ZNF106: variants seen among roughly 807,000 people sequenced by gnomAD.
ZNF106 encodes the protein zinc finger protein 106, also known as SH3-domain binding protein 3.
ZNF106 carries 67 observed loss-of-function variants against 195.1 expected under a neutral mutation model. The ratio of observed to expected loss-of-function variants is 0.34; its 90% CI spans 0.28 to 0.42. The LOEUF (loss-of-function observed/expected upper bound fraction) is 0.42. Ranked by LOEUF, ZNF106 falls within the 10% of genes least tolerant of loss-of-function variation. The pLI, the probability that ZNF106 is intolerant of heterozygous loss-of-function variation, is 1.00. For synonymous variants in ZNF106, 784 were observed against 818.6 expected, an observed-to-expected ratio of 0.96 and a Z score of 0.72; for missense variants, 2,118 against 2,304.5, an observed-to-expected ratio of 0.92 and a Z score of 1.66.
chr15:42,472,323 T>C lies in ZNF106; in HGVS notation c.-32-2A>G. 6.5e-7 allele frequency: 1 copy of C among 1,528,168 alleles called. No individual in the cohort carries two copies. The highest frequency in any genetic ancestry group is 1.2e-5 in the South Asian group (1 of 82,532). 94.7% of individuals were successfully genotyped at this position (1,528,168 alleles called of 1,614,324 possible). On this transcript the variant is annotated splice_acceptor_variant, in intron 1 of 21. Transcript: ENST00000564754. LOFTEE classifies it low-confidence loss of function (5UTR_SPLICE). ...GATCTGAAGCACTCAACGTCACAGC[T>C]GCAATGAGGAAGTAACATTTAGTAA...
chr15:42,426,917 G>A (rs2054880780), intron 15 of ZNF106, among the ~76,000 whole-genome samples: 2 of 152,008 alleles, frequency 1.3e-5, no homozygotes, highest in Non-Finnish European at 2.9e-5. Flanking sequence ...AAATCACTTG[G>A]CACTTGATTA....
At chr15:42,468,817 G>C (rs201665151) in intron 2 of ZNF106, among the ~76,000 whole-genome samples, 3 of 152,064 alleles carry the variant, frequency 2.0e-5, no homozygotes, top group African/African-American at 7.2e-5. Flanking sequence ...CTGACTGGCC[G>C]CTAACTAAAA....
intron 1 of ZNF106, among the ~76,000 whole-genome samples, chr15:42,478,424 A>G (rs1304026914): frequency 6.6e-6 from 1 of 151,778 alleles, no homozygotes; most frequent in Non-Finnish European, 1.5e-5. Context: ...GGCCTCCCAA[A>G]GTGTTGGGAT....
intron 17 of ZNF106, among the ~76,000 whole-genome samples, chr15:42,423,640 G>A (rs902066755): frequency 4.6e-5 from 7 of 152,170 alleles, no homozygotes; most frequent in African/African-American, 1.4e-4. Flanking sequence ...AGCCTTCTGA[G>A]TAGCTGGCAT....
Position 42,425,005 on chromosome 15 carries a change from G to A in ZNF106, c.5019C>T (p.Ile1673=), listed in dbSNP as rs771553159. 3.1e-6 allele frequency: 5 copies of A among 1,613,974 alleles called. No homozygotes were observed. Among genetic ancestry groups the A allele is most frequent in the African/African-American group, 2.7e-5 (2 of 74,896 alleles). Residue 1673 remains isoleucine (I), a synonymous_variant, in exon 16 of 22, where the codon ATC becomes ATT. Coordinates refer to ENST00000564754, the MANE Select transcript of ZNF106 (RefSeq NM_001366845.3). The stretch of plus-strand genomic sequence containing the variant: ...CTGCCCGAGGGCCATGGCATTCAAA[G>A]ATCTCAAGTCGTTTGTTGTTCTGGA... ...FNIKNNKRLE[I]FECHGPRAVS...
intron 8 of ZNF106, 127 bp from the exon 9 acceptor site, chr15:42,444,389 C>A: frequency 1.5e-6 from 1 of 678,264 alleles, no homozygotes; most frequent in Non-Finnish European, 2.5e-6. Flanking sequence ...CCCAGCCAGC[C>A]GCAGGTTTTC....
In ZNF106 at chr15:42,413,957, G is replaced by C. The variant is rs1412805474; in HGVS notation, c.*3347C>G. The C allele has an allele frequency of 1.3e-5, 2 of 152,220 alleles. No homozygotes were observed. Among genetic ancestry groups the C allele is most frequent in the African/African-American group, 4.8e-5 (2 of 41,448 alleles). The allele number at this position is 152,220 out of a possible 1,614,324, so 9.4% of individuals were successfully genotyped here. A position where few individuals can be genotyped will look rare whatever the true frequency, so the allele number is the denominator to read the frequency against. On this transcript the variant is annotated 3_prime_UTR_variant, in exon 22 of 22. Transcript: ENST00000564754. ...CTTTCACAGAAAACTTGAAGTGACTGATACTTTATCACAACGAACTGCCAT... is the reference window on the plus strand; with the variant it reads ...CTTTCACAGAAAACTTGAAGTGACTCATACTTTATCACAACGAACTGCCAT...
rs72711750 is a variant in ZNF106, at chr15:42,485,719, T to G, written c.-33+5261A>C. On this transcript the variant is annotated intron_variant, in intron 1 of 21. Transcript: ENST00000564754. ...ATAAAGACGTTGGAAAATAAAAGAG[T>G]GGATAAATAAAAATTATTATAAAAT... is the stretch of plus-strand genomic sequence containing the variant. 6.8e-3 allele frequency among the ~76,000 whole-genome samples: 1,040 copies of G among 151,992 alleles called. 6 individuals carry two copies. The highest frequency in any genetic ancestry group is 0.011 in the Non-Finnish European group (729 of 67,966).
intron 8 of ZNF106, 108 bp from the exon 9 acceptor site, chr15:42,444,370 G>A (rs1291815948): frequency 1.0e-5 from 8 of 803,242 alleles, no homozygotes; most frequent in Non-Finnish European, 1.6e-5. Context: ...TGTCTTGACT[G>A]CTCTGTGACC....
chr15:42,450,234 T>C lies in ZNF106; in HGVS notation c.2038A>G (p.Thr680Ala). 2 of 1,614,188 alleles carry C rather than the reference T, an allele frequency of 1.2e-6. No individual in the cohort carries two copies. Among genetic ancestry groups the C allele is most frequent in the African/African-American group, 1.3e-5 (1 of 75,036 alleles). Residue 680 changes from threonine to alanine, a missense_variant, in exon 5 of 22, where the codon ACA (threonine) becomes GCA (alanine). Physicochemically the swap from Thr to Ala is moderately conservative, Grantham distance 58. Coordinates refer to ENST00000564754, the MANE Select transcript of ZNF106 (RefSeq NM_001366845.3). Reference protein sequence around the residue: ...VRQKESELQMTSAASPHPGLL... With the variant: ...VRQKESELQMASAASPHPGLL... ...CCAGGGTGTGGACTGGCTGCAGATG[T>C]CATTTGTAATTCAGATTCTTTCTGG... is the stretch of plus-strand genomic sequence containing the variant.
chr15:42,490,153 C>A (rs941126806), intron 1 of ZNF106, among the ~76,000 whole-genome samples: 1 of 151,950 alleles, frequency 6.6e-6, no homozygotes, highest in Non-Finnish European at 1.5e-5. Flanking sequence ...TTGCTTGAAT[C>A]CAGGAGGCGG....
rs559155880 is a variant in ZNF106 at position 42,459,345 on chromosome 15, G to A, written c.117-2187C>T. Among the ~76,000 whole-genome samples the A allele has an allele frequency of 5.9e-5, 9 of 151,980 alleles. No homozygotes were observed. In the South Asian group the frequency reaches 6.2e-4, roughly 11 times the overall value. ...ACAAAAATTAGACGGGCATGGTGGC[G>A]GGCACCTGTAATCCCAGCTACTCAA... On this transcript the variant is annotated intron_variant, in intron 3 of 21. Transcript: ENST00000564754.
At chr15:42,484,025 A>G (rs1292007433) in intron 1 of ZNF106, among the ~76,000 whole-genome samples, 1 of 152,204 alleles carries the variant, frequency 6.6e-6, no homozygotes. Context: ...ACTGTAGAGC[A>G]GCAATTCTCA....
chr15:42,447,144 A>G (rs896298734), intron 6 of ZNF106, among the ~76,000 whole-genome samples: 1 of 152,232 alleles, frequency 6.6e-6, no homozygotes, highest in Non-Finnish European at 1.5e-5. Context: ...TATAGCATCT[A>G]GCTCAAAGGA....
rs1172493603 is a variant in ZNF106 at position 42,421,946 on chromosome 15, T to A, written c.5416A>T (p.Ile1806Phe). ...CTTTTATGGATGGTCATACACATAA[T>A]CATGTCTTTGTGTCCTCCATAAACT... The part of the protein sequence containing the change: ...LQVYGGHKDM[I>F]MCMTIHKSMI... Residue 1806 changes from isoleucine (I) to phenylalanine (F), a missense_variant, in exon 19 of 22, where the codon ATT (isoleucine) becomes TTT (phenylalanine). Coordinates refer to ENST00000564754, the MANE Select transcript of ZNF106 (RefSeq NM_001366845.3). 6.3e-7 allele frequency: 1 copy of A among 1,585,708 alleles called. No homozygotes were observed. The highest frequency in any genetic ancestry group is 1.1e-5 in the South Asian group (1 of 88,710).
In ZNF106 at chr15:42,414,620, C is replaced by T. The variant is rs983545327; in HGVS notation, c.*2684G>A. 6.6e-6 allele frequency: 1 copy of T among 152,288 alleles called. No individual in the cohort carries two copies. The highest frequency in any genetic ancestry group is 2.4e-5 in the African/African-American group (1 of 41,462). 9.4% of individuals were successfully genotyped at this position (152,288 alleles called of 1,614,324 possible). A position where few individuals can be genotyped will look rare whatever the true frequency, so the allele number is the denominator to read the frequency against. ...CGATTCTACCACTCTGTAATACTCT[C>T]AGAAGTTCCCACAACTGCCCAACAC... On this transcript the variant is annotated 3_prime_UTR_variant, in exon 22 of 22. Coordinates refer to ENST00000564754, the MANE Select transcript of ZNF106 (RefSeq NM_001366845.3).
At chr15:42,466,593 G>C (rs1352136085) in intron 2 of ZNF106, among the ~76,000 whole-genome samples, 1 of 152,170 alleles carries the variant, frequency 6.6e-6, no homozygotes, top group Non-Finnish European at 1.5e-5. Flanking sequence ...TTTGTTGAAT[G>C]AATATAGATG....
rs1217914273 is a variant in ZNF106, at chr15:42,416,899, GCCTGAC to G, written c.*399_*404del. Reference sequence around the variant, plus strand: ...CACTTAAACAAACTTGTACTTAAAAGCCTGACTATAGGTTTAAACCATCATAAGAAC... The same window carrying G: ...CACTTAAACAAACTTGTACTTAAAAGTATAGGTTTAAACCATCATAAGAAC... On this transcript the variant is annotated 3_prime_UTR_variant, in exon 22 of 22. Coordinates refer to ENST00000564754, the MANE Select transcript of ZNF106 (RefSeq NM_001366845.3). The G allele has an allele frequency of 0.02, 3,100 of 155,364 alleles. 113 individuals carry two copies. The highest frequency in any genetic ancestry group is 0.071 in the African/African-American group (2,948 of 41,678). 9.6% of individuals were successfully genotyped at this position (155,364 alleles called of 1,614,324 possible). A position where few individuals can be genotyped will look rare whatever the true frequency, so the allele number is the denominator to read the frequency against.
intron 1 of ZNF106, among the ~76,000 whole-genome samples, chr15:42,478,309 A>G (rs1001982523): frequency 6.6e-6 from 1 of 151,668 alleles, no homozygotes. Context: ...GACTACAGGC[A>G]CCCGCCACCA....
Sources: allele counts gnomAD v4.1 joint callset (sites outside exome capture counted in the v4.1 genomes callset), GRCh38; gene constraint gnomAD v4.1.1; transcripts MANE v1.5; gene names NCBI Gene and HGNC (gene_info 2026-07-23, HGNC 2026-07-21).